The following SLC4A1 variants were observed in gnomAD, a reference collection of about 807,000 sequenced individuals.
The protein encoded by SLC4A1 is band 3 anion transport protein.
A neutral mutation model predicts 93.1 loss-of-function variants in SLC4A1; 29 were observed. The ratio of observed to expected loss-of-function variants is 0.31; its 90% confidence interval spans 0.23 to 0.42. SLC4A1 has a LOEUF of 0.42. SLC4A1 is among the 20% of genes least tolerant of loss of function. The pLI is 1.00. For missense variants in SLC4A1, 965 were observed against 1,190.1 expected (o/e 0.81, Z 2.78); for synonymous variants, 469 against 497.2 (o/e 0.94, Z 0.76).
rs774339293 is a variant in SLC4A1 at position 44,258,091 on chromosome 17, A to T, written c.1177T>A (p.Tyr393Asn). ...VRDIRRRYPY[Y>N]LSDITDAFSP... is the part of the protein sequence containing the mutation. ...AATGCATCTGTGATGTCACTCAGGT[A>T]ATAGGGGTAGCGGCGCCGGATATCA... Residue 393 changes from tyrosine to asparagine, a missense_variant, in exon 11 of 20, where the codon TAC (tyrosine) becomes AAC (asparagine). By Grantham distance (143) the Tyr-to-Asn change is moderately radical (BLOSUM62 -2). This residue lies in a region of SLC4A1 where 770 missense variants were observed against 1,006.6 expected (regional missense o/e 0.76). Transcript: ENST00000262418. This position sits in a 1 kb window ranked among gnomAD's most constrained non-coding sequence, Gnocchi z 6.1. The T allele has an allele frequency of 6.2e-7, 1 of 1,614,052 alleles. No homozygotes were observed. Among genetic ancestry groups the T allele is most frequent in the Admixed American group, 1.7e-5 (1 of 60,020 alleles).
At chr17:44,261,468 C>T in intron 4 of SLC4A1, 107 bp downstream of exon 4, 2 of 1,573,836 alleles carry the variant, frequency 1.3e-6, no homozygotes, top group East Asian at 2.2e-5. Flanking sequence ...GCTGCAGGGT[C>T]TCCCCCAGCC....
chr17:44,262,987 G>C, intron 1 of SLC4A1, 53 bp from the exon 2 acceptor site: 1 of 1,499,212 alleles, frequency 6.7e-7, no homozygotes, highest in Middle Eastern at 2.3e-4. Flanking sequence ...AGGGTCTCCT[G>C]GTCCTCCTCC....
In SLC4A1 at chr17:44,248,500, C is replaced by T; in HGVS notation, c.*1958G>A. ...ACTTTCCTTGGCCATGTTCAAGGAG[C>T]AAGGGGAGGGGGAGACAGGGACATC... On this transcript the variant is annotated 3_prime_UTR_variant, in exon 20 of 20. Transcript: ENST00000262418. The T allele has an allele frequency of 6.6e-6, 1 of 152,330 alleles. No individual in the cohort carries two copies. The allele number at this position is 152,330 out of a possible 1,614,324, so 9.4% of individuals were successfully genotyped here.
chr17:44,261,691 TCAC>T (rs1350091246), intron 3 of SLC4A1, 55 bp from the exon 4 acceptor site: 12 of 1,613,640 alleles, frequency 7.4e-6, no homozygotes, highest in Non-Finnish European at 1.0e-5. Flanking sequence ...CTGAGGCTCT[TCAC>T]CATCCACTGT....
In SLC4A1 at chr17:44,259,942, G is replaced by C; in HGVS notation, c.486-10C>G. 6.2e-7 allele frequency: 1 copy of C among 1,613,532 alleles called. No homozygotes were observed. The highest frequency in any genetic ancestry group is 8.5e-7 in the Non-Finnish European group (1 of 1,180,006). On this transcript the variant is annotated splice_polypyrimidine_tract_variant and intron_variant, in intron 6 of 19. Transcript: ENST00000262418. ...CAGCTCTCCAGCGTGGCTGCAGGAC[G>C]TACAGGGGACATGGGCTGAGTAAGC... is the stretch of plus-strand genomic sequence containing the variant.
In SLC4A1 at chr17:44,257,359, C is replaced by A; in HGVS notation, c.1617G>T (p.Lys539Asn). 4 of 1,613,952 alleles carry A rather than the reference C, an allele frequency of 2.5e-6. No individual in the cohort carries two copies. The South Asian group carries it at 4.4e-5, about 18-fold the overall frequency. ...CCCCATAGGCCCCCACCTTGATCAG[C>A]TTGGAGAAAGTCTCATAGATGAAGA... is the stretch of plus-strand genomic sequence containing the variant. ...SLIFIYETFS[K>N]LIKIFQDHPL... Residue 539 changes from lysine to asparagine, a missense_variant, in exon 13 of 20, where the codon AAG becomes AAT. By Grantham distance (94) the Lys-to-Asn change is moderately conservative. Transcript: ENST00000262418.
chr17:44,253,864 G>T (rs1325946972), intron 16 of SLC4A1, among the ~76,000 whole-genome samples: 1 of 151,076 alleles, frequency 6.6e-6, no homozygotes, highest in Non-Finnish European at 1.5e-5. Flanking sequence ...TAGAAACGGG[G>T]TTTCACCATA....
intron 1 of SLC4A1, among the ~76,000 whole-genome samples, chr17:44,263,141 A>G (rs928934981): frequency 3.3e-5 from 5 of 152,186 alleles, no homozygotes; most frequent in African/African-American, 1.2e-4. Context: ...GGGGCAGTGC[A>G]GGGAAGAGGT....
At chr17:44,264,850 T>G (rs1056901564) in intron 1 of SLC4A1, among the ~76,000 whole-genome samples, 3 of 152,020 alleles carry the variant, frequency 2.0e-5, no homozygotes, top group Non-Finnish European at 4.4e-5. Flanking sequence ...GGCCCCAGAC[T>G]GGGTGTGGAG....
At chr17:44,256,629 G>T (rs1339055624) in intron 13 of SLC4A1, among the ~76,000 whole-genome samples, 9 of 152,332 alleles carry the variant, frequency 5.9e-5, no homozygotes, top group Admixed American at 6.5e-5. Context: ...GACTTCAGAG[G>T]CTCCAGAGTC....
At chr17:44,255,089 A>C in intron 15 of SLC4A1, 118 bp downstream of exon 15, 3 of 732,694 alleles carry the variant, frequency 4.1e-6, no homozygotes, top group Non-Finnish European at 4.8e-6. Flanking sequence ...GGGATGGGGT[A>C]GAGGTAGTCC....
chr17:44,255,361 G>T, intron 14 of SLC4A1, 65 bp from the exon 15 acceptor site: 1 of 1,280,706 alleles, frequency 7.8e-7, no homozygotes, highest in Non-Finnish European at 1.1e-6. Flanking sequence ...CCTTCCTCCT[G>T]CCCTATATTC....
chr17:44,250,830 C>CT (rs1313671798), intron 19 of SLC4A1, among the ~76,000 whole-genome samples: 9 of 152,190 alleles, frequency 5.9e-5, no homozygotes, highest in Admixed American at 5.9e-4. Flanking sequence ...TGGAAGAATC[C>CT]TATTAGAGGA....
intron 2 of SLC4A1, 53 bp from the exon 3 acceptor site, chr17:44,262,779 C>G: frequency 6.2e-7 from 1 of 1,609,212 alleles, no homozygotes; most frequent in Non-Finnish European, 8.5e-7. Flanking sequence ...CCACCCCCAA[C>G]GAAGATAGGA....
At chr17:44,260,338 G>T in intron 6 of SLC4A1, 66 bp downstream of exon 6, 1 of 1,568,128 alleles carries the variant, frequency 6.4e-7, no homozygotes, top group Non-Finnish European at 8.7e-7. Context: ...GGGAGAACTT[G>T]GGGCAAGTGG....
chr17:44,254,553 G>A lies in SLC4A1; in HGVS notation c.2000C>T (p.Ser667Phe). Reference sequence around the variant, plus strand: ...GAAGACCAGCAGAGCAGGCAGGGCGGAGGCAAACATCATCCAGATGGGAAA... The same window carrying A: ...GAAGACCAGCAGAGCAGGCAGGGCGAAGGCAAACATCATCCAGATGGGAAA... ...SEFPIWMMFA[S>F]ALPALLVFIL... Residue 667 changes from serine (S) to phenylalanine (F), a missense_variant, in exon 16 of 20, where the codon TCC becomes TTC. Physicochemically the swap from Ser to Phe is radical, Grantham distance 155. Transcript: ENST00000262418. 1 of 1,614,214 alleles carries A rather than the reference G, an allele frequency of 6.2e-7. No homozygotes were observed. The highest frequency in any genetic ancestry group is 8.5e-7 in the Non-Finnish European group (1 of 1,180,028).
intron 6 of SLC4A1, 93 bp from the exon 7 acceptor site, chr17:44,260,025 G>T: frequency 6.6e-7 from 1 of 1,521,624 alleles, no homozygotes; most frequent in Admixed American, 1.7e-5. Flanking sequence ...AAGGGACTGG[G>T]GTAGACATCA....
In SLC4A1 at chr17:44,257,462, A is replaced by T. The variant is rs1487999665; in HGVS notation, c.1514T>A (p.Val505Glu). The T allele has an allele frequency of 6.2e-7, 1 of 1,614,126 alleles. No individual in the cohort carries two copies. Among genetic ancestry groups the T allele is most frequent in the Admixed American group, 1.7e-5 (1 of 60,026 alleles). Reference sequence around the variant, plus strand: ...GACCAGGAAGCTACCCTCGAAGGCCACCACCAACACCACCAGCAGGATGAG... The same window carrying T: ...GACCAGGAAGCTACCCTCGAAGGCCTCCACCAACACCACCAGCAGGATGAG... ...FWLILLVVLV[V>E]AFEGSFLVRF... Residue 505 changes from valine (V) to glutamate (E), a missense_variant, in exon 13 of 20, where the codon GTG becomes GAG. Around this residue, in one of 2 missense-constraint regions of SLC4A1, gnomAD observed 770 missense variants for 1,006.6 expected, o/e 0.76. Coordinates refer to ENST00000262418, the MANE Select transcript of SLC4A1 (RefSeq NM_000342.4).
intron 13 of SLC4A1, 103 bp downstream of exon 13, chr17:44,257,247 C>G: frequency 8.6e-7 from 1 of 1,156,740 alleles, no homozygotes; most frequent in Non-Finnish European, 1.3e-6. Context: ...CTGCCTCGGC[C>G]TCCCAAAGTT....
Sources: allele counts gnomAD v4.1 joint callset (sites outside exome capture counted in the v4.1 genomes callset), GRCh38; gene constraint gnomAD v4.1.1; regional missense constraint gnomAD v4.1.1; non-coding constraint Gnocchi (gnomAD v3.1); transcripts MANE v1.5; gene names NCBI Gene and HGNC (gene_info 2026-07-23, HGNC 2026-07-21).